Variants in KMT2A observed in about 807,000 individuals in gnomAD.
KMT2A encodes histone-lysine N-methyltransferase 2A.
A neutral mutation model predicts 345.3 loss-of-function variants in KMT2A; 16 were observed. The ratio of observed to expected loss-of-function variants is 0.05; its 90% CI spans 0.03 to 0.07. The LOEUF is 0.07. Ranked by LOEUF, KMT2A falls within the 10% of genes least tolerant of loss-of-function variation. The pLI, the probability that KMT2A is intolerant of heterozygous loss-of-function variation, is 1.00. For synonymous variants in KMT2A, 1,599 were observed against 1,778.6 expected (o/e 0.90, Z 2.54); for missense variants, 3,272 against 4,841.6 (o/e 0.68, Z 9.62).
Position 118,471,983 on chromosome 11 carries a change from C to G in KMT2A, c.824C>G (p.Ala275Gly). The change falls in exon 3 of 36, where the codon GCA (alanine) becomes GGA (glycine). Residue 275 changes from alanine to glycine, a missense_variant. Physicochemically the swap from Ala to Gly is moderately conservative, Grantham distance 60. Around this residue, in one of 27 missense-constraint regions of KMT2A, gnomAD observed 412 missense variants for 511.0 expected, o/e 0.81. Transcript: ENST00000534358. Reference protein sequence around the residue: ...QQATKIKKLRAGKLSPLKSKF... With the variant: ...QQATKIKKLRGGKLSPLKSKF... ...GCCACAAAGATTAAAAAATTAAGAG[C>G]AGGTAAACTCTCTCCTCTCAAGTCT... The G allele has an allele frequency of 2.5e-6, 4 of 1,614,018 alleles. No individual in the cohort carries two copies. The highest frequency in any genetic ancestry group is 3.4e-6 in the Non-Finnish European group (4 of 1,179,984).
At chr11:118,478,288 G>A in intron 5 of KMT2A, 87 bp downstream of exon 5, 1 of 975,930 alleles carries the variant, frequency 1.0e-6, no homozygotes, top group Non-Finnish European at 1.6e-6. Context: ...GATACATCAG[G>A]AAACTGAATG....
chr11:118,480,046 C>CT, intron 5 of KMT2A, 128 bp from the exon 6 acceptor site: 1 of 713,066 alleles, frequency 1.4e-6, no homozygotes, highest in South Asian at 1.8e-5. Context: ...ATGAGCAGTC[C>CT]TTTTTTCAAC....
chr11:118,491,968 G>C lies in KMT2A; in HGVS notation c.5004+40G>C, dbSNP rs1247547183. 1 of 1,461,130 alleles carries C rather than the reference G, an allele frequency of 6.8e-7. No individual in the cohort carries two copies. Among genetic ancestry groups the C allele is most frequent in the African/African-American group, 1.4e-5 (1 of 71,348 alleles). The allele number at this position is 1,461,130 out of a possible 1,614,324, so 90.5% of individuals were successfully genotyped here. ...ATTTTTTTCTGAGAGCTTGTTCTTA[G>C]GTAGTCTTTACCTAGTGTTTTTCTT... On this transcript the variant is annotated intron_variant, in intron 15 of 35. Transcript: ENST00000534358. This position sits in a 1 kb window ranked among gnomAD's most constrained non-coding sequence, Gnocchi z 4.2.
rs1555034798 is a variant in KMT2A at position 118,468,849 on chromosome 11, G to A, written c.502+5G>A. 3.1e-6 allele frequency: 5 copies of A among 1,610,862 alleles called. No homozygotes were observed. Among genetic ancestry groups the A allele is most frequent in the African/African-American group, 2.7e-5 (2 of 74,814 alleles). The stretch of plus-strand genomic sequence containing the variant: ...GTCCCACAAGGTCTCCTTCAGGTAC[G>A]GCCAATTAAGTGCATGGTGCCTTTT... On this transcript the variant is annotated splice_donor_5th_base_variant and intron_variant, in intron 2 of 35. Coordinates refer to ENST00000534358, the MANE Select transcript of KMT2A (RefSeq NM_001197104.2).
intron 31 of KMT2A, among the ~76,000 whole-genome samples, chr11:118,517,747 C>T (rs981084732): frequency 5.9e-5 from 9 of 151,972 alleles, no homozygotes; most frequent in Admixed American, 5.9e-4. Context: ...GAGGCTGAGG[C>T]GGGAGCAGCT....
rs1950944141 is a variant in KMT2A at position 118,520,669 on chromosome 11, C to T, written c.11430-133C>T. 3.8e-5 allele frequency: 25 copies of T among 656,830 alleles called. No homozygotes were observed. The South Asian group carries it at 5.0e-4, about 13-fold the overall frequency. 40.7% of individuals were successfully genotyped at this position (656,830 alleles called of 1,614,324 possible). On this transcript the variant is annotated intron_variant, in intron 33 of 35. Transcript: ENST00000534358. This position sits in a 1 kb window ranked among gnomAD's most constrained non-coding sequence, Gnocchi z 4.3. ...CCATCTCAAAAAAAAAAGGGGGGCGCTCATTTTATAAGGCACTCGTTCAGT... is the reference window on the plus strand; with the variant it reads ...CCATCTCAAAAAAAAAAGGGGGGCGTTCATTTTATAAGGCACTCGTTCAGT...
rs1950673767 is a variant in KMT2A, at chr11:118,510,885, G to C, written c.11071+767G>C. 6.6e-6 allele frequency among the ~76,000 whole-genome samples: 1 copy of C among 152,164 alleles called. No individual in the cohort carries two copies. The highest frequency in any genetic ancestry group is 1.5e-5 in the Non-Finnish European group (1 of 68,032). ...AAAGGAGAAAATGGAATTTGGGTTAGGCAAAGAAGAATGCAGGGCTCTCTA... is the reference window on the plus strand; with the variant it reads ...AAAGGAGAAAATGGAATTTGGGTTACGCAAAGAAGAATGCAGGGCTCTCTA... On this transcript the variant is annotated intron_variant, in intron 30 of 35. Coordinates refer to ENST00000534358, the MANE Select transcript of KMT2A (RefSeq NM_001197104.2). The surrounding 1 kb of genome is among the most constrained non-coding windows in gnomAD (Gnocchi z 4.1).
Position 118,507,569 on chromosome 11 carries a change from G to C in KMT2A, c.10795G>C (p.Val3599Leu), listed in dbSNP as rs782602225. 3 of 1,614,164 alleles carry C rather than the reference G, an allele frequency of 1.9e-6. No homozygotes were observed. The South Asian group carries it at 3.3e-5, about 18-fold the overall frequency. The change falls in exon 28 of 36, where the codon GTG becomes CTG. Residue 3599 changes from valine (V) to leucine (L), a missense_variant. By Grantham distance (32) the Val-to-Leu change is conservative (BLOSUM62 1). Transcript: ENST00000534358. ...GGCTGAGCAGCAGGATACAGCTAGC[G>C]TGGAGCAGTCCTCCCAGAAGGAGTG... Reference protein sequence around the residue: ...AEAEQQDTASVEQSSQKECGQ... With the variant: ...AEAEQQDTASLEQSSQKECGQ...
chr11:118,501,562 C>G (rs1950501125), intron 25 of KMT2A, 110 bp from the exon 26 acceptor site: 1 of 855,266 alleles, frequency 1.2e-6, no homozygotes, highest in Non-Finnish European at 1.8e-6. Flanking sequence ...CTTGGGAAGT[C>G]TCATTTGCTT....
chr11:118,452,964 C>T (rs1285458472), intron 1 of KMT2A, among the ~76,000 whole-genome samples: 1 of 152,112 alleles, frequency 6.6e-6, no homozygotes, highest in Non-Finnish European at 1.5e-5. Context: ...GCCAACCTCT[C>T]CATTTGAGCT....
At position 118,523,844 on chromosome 11, in the gene KMT2A, C is replaced by A. The variant is rs1163768772; in HGVS notation, c.*1672C>A. ...GACATAAATGTTTCCTGGGTTTGCT[C>A]TTTGACAATAAATGGAGAAGGAAGG... On this transcript the variant is annotated 3_prime_UTR_variant, in exon 36 of 36. Transcript: ENST00000534358. 2.0e-5 allele frequency: 4 copies of A among 204,862 alleles called. No individual in the cohort carries two copies. The highest frequency in any genetic ancestry group is 4.0e-5 in the Non-Finnish European group (4 of 100,220). 12.7% of individuals were successfully genotyped at this position (204,862 alleles called of 1,614,324 possible).
intron 1 of KMT2A, among the ~76,000 whole-genome samples, chr11:118,443,132 G>A (rs532621703): frequency 2.7e-4 from 41 of 152,260 alleles, no homozygotes; most frequent in African/African-American, 9.9e-4. Flanking sequence ...TTCTCTAATT[G>A]CTGGCATTTA....
At position 118,502,539 on chromosome 11, in the gene KMT2A, T is replaced by C. The variant is rs371772102; in HGVS notation, c.6647T>C (p.Met2216Thr). The C allele has an allele frequency of 6.8e-6, 11 of 1,614,148 alleles. No homozygotes were observed. The highest frequency in any genetic ancestry group is 1.6e-4 in the Middle Eastern group (1 of 6,062). Residue 2216 changes from methionine (M) to threonine (T), a missense_variant, in exon 27 of 36, where the codon ATG becomes ACG. Around this residue, in one of 27 missense-constraint regions of KMT2A, gnomAD observed 445 missense variants for 500.9 expected, o/e 0.89. Coordinates refer to ENST00000534358, the MANE Select transcript of KMT2A (RefSeq NM_001197104.2). The surrounding 1 kb of genome is among the most constrained non-coding windows in gnomAD (Gnocchi z 4.9). ...QRSKLRIMSPMRTGNTYSRNN... is the reference protein window; with the variant it reads ...QRSKLRIMSPTRTGNTYSRNN... The stretch of plus-strand genomic sequence containing the variant: ...TCCAAACTCCGGATAATGTCTCCAA[T>C]GAGAACTGGGAATACTTACTCTAGG...
At chr11:118,509,642 A>G (rs1950648039) in intron 29 of KMT2A, among the ~76,000 whole-genome samples, 1 of 152,232 alleles carries the variant, frequency 6.6e-6, no homozygotes, top group Non-Finnish European at 1.5e-5. Flanking sequence ...CTTCAAGATT[A>G]GAGAGTTCTG....
intron 31 of KMT2A, among the ~76,000 whole-genome samples, chr11:118,513,711 G>A (rs1308574060): frequency 6.6e-6 from 1 of 151,848 alleles, no homozygotes; most frequent in Non-Finnish European, 1.5e-5. Flanking sequence ...TGGGAGGATT[G>A]TTTGAGTCTA....
At position 118,510,601 on chromosome 11, in the gene KMT2A, C is replaced by G. The variant is rs530639255; in HGVS notation, c.11071+483C>G. On this transcript the variant is annotated intron_variant, in intron 30 of 35. Coordinates refer to ENST00000534358, the MANE Select transcript of KMT2A (RefSeq NM_001197104.2). The surrounding 1 kb of genome is among the most constrained non-coding windows in gnomAD (Gnocchi z 4.1). ...TCCCTCCTTTTGAATCTTACATGTTCTTCTCTCATAGCTTACATTTTGTTT... is the reference window on the plus strand; with the variant it reads ...TCCCTCCTTTTGAATCTTACATGTTGTTCTCTCATAGCTTACATTTTGTTT... 2.2e-4 allele frequency among the ~76,000 whole-genome samples: 33 copies of G among 152,238 alleles called. No individual in the cohort carries two copies. The highest frequency in any genetic ancestry group is 3.4e-3 in the Middle Eastern group (1 of 292).
At chr11:118,470,302 GTTGTTT>G (rs1226203106) in intron 2 of KMT2A, among the ~76,000 whole-genome samples, 3 of 152,008 alleles carry the variant, frequency 2.0e-5, no homozygotes, top group Non-Finnish European at 2.9e-5. Context: ...TTGTTTGTTT[GTTGTTT>G]TTGTTTTTGT....
intron 8 of KMT2A, among the ~76,000 whole-genome samples, chr11:118,482,775 AG>A (rs1950158326): frequency 6.6e-6 from 1 of 151,122 alleles, no homozygotes; most frequent in Non-Finnish European, 1.5e-5. Context: ...AAGAAGAAGA[AG>A]AAGAAGTTAG....
chr11:118,509,753 G>A (rs1555049556), intron 29 of KMT2A, among the ~76,000 whole-genome samples, 195 bp from the exon 30 acceptor site: 1 of 151,900 alleles, frequency 6.6e-6, no homozygotes, highest in Non-Finnish European at 1.5e-5. Context: ...AAAAAAATCT[G>A]GTTTTAGTCA....
Sources: gnomAD v4.1 joint callset for allele counts (sites outside exome capture counted in the v4.1 genomes callset) on GRCh38, gnomAD v4.1.1 for gene constraint, gnomAD v4.1.1 regional missense constraint, Gnocchi (gnomAD v3.1) non-coding constraint, MANE v1.5 for transcripts, NCBI Gene and HGNC (gene_info 2026-07-23, HGNC 2026-07-21) for gene names.